POM121C: variants seen among roughly 807,000 people sequenced by gnomAD.
POM121C encodes POM121 transmembrane nucleoporin C, also known as nuclear envelope pore membrane protein POM 121C.
POM121C carries 20 observed loss-of-function variants against 66.4 expected under a neutral mutation model. That is an observed-to-expected ratio of 0.30 (90% CI 0.21 to 0.44). The LOEUF is 0.44. Ranked by LOEUF, POM121C falls within the 20% of genes least tolerant of loss-of-function variation. The probability of loss-of-function intolerance (pLI) is 1.00; values close to 1 mark genes in which losing one functional copy is unlikely to be tolerated. For synonymous variants in POM121C, 286 were observed against 528.0 expected (o/e 0.54, Z 6.28); for missense variants, 580 against 1,225.7 (o/e 0.47, Z 7.87).
chr7:75,460,573 A>G (rs2690622), intron 3 of POM121C, among the ~76,000 whole-genome samples: 186 of 151,960 alleles, frequency 1.2e-3, no homozygotes, highest in African/African-American at 4.0e-3. Flanking sequence ...TCCCTTCACT[A>G]AAGCAACCAC....
At chr7:75,476,233 G>A (rs1370552489) in intron 1 of POM121C, among the ~76,000 whole-genome samples, 5 of 151,708 alleles carry the variant, frequency 3.3e-5, no homozygotes, top group African/African-American at 9.7e-5. Context: ...CAAGGCTACA[G>A]TGAGCTGTGA....
Position 75,437,689 on chromosome 7 carries a change from A to G in POM121C, c.309-3T>C. ...GGCCTCTCTTCAGAGACCCAGGCCT[A>G]ATAAAAGAGAAGACAGTTAGATGCT... On this transcript the variant is annotated splice_region_variant and splice_polypyrimidine_tract_variant and intron_variant, in intron 6 of 14. Transcript: ENST00000615331. 1 of 1,589,240 alleles carries G rather than the reference A, an allele frequency of 6.3e-7. No individual in the cohort carries two copies. Among genetic ancestry groups the G allele is most frequent in the South Asian group, 1.1e-5 (1 of 89,384 alleles).
rs1457660270 is a variant in POM121C at position 75,417,977 on chromosome 7, TG to T, written c.*818del. 1.0e-6 allele frequency: 1 copy of T among 982,792 alleles called. No homozygotes were observed. Among genetic ancestry groups the T allele is most frequent in the African/African-American group, 1.8e-5 (1 of 56,600 alleles). 60.9% of individuals were successfully genotyped at this position (982,792 alleles called of 1,614,324 possible). On this transcript the variant is annotated 3_prime_UTR_variant, in exon 15 of 15. Transcript: ENST00000615331. ...GGACAAGGCTTGAAACATACAATCC[TG>T]GAGAGGCAGACGAGGGCCCAATGGG...
At chr7:75,460,601 T>A (rs1397433535) in intron 3 of POM121C, among the ~76,000 whole-genome samples, 1 of 152,064 alleles carries the variant, frequency 6.6e-6, no homozygotes, top group Admixed American at 6.5e-5. Flanking sequence ...GAAAGAGTGA[T>A]TGGAATCAGC....
intron 1 of POM121C, among the ~76,000 whole-genome samples, chr7:75,481,439 A>T (rs1179241938): frequency 5.3e-5 from 8 of 152,152 alleles, no homozygotes; most frequent in Non-Finnish European, 8.8e-5. Flanking sequence ...ATGGTAACAA[A>T]ACAAAATACC....
chr7:75,426,204 TG>T (rs1789933641), intron 8 of POM121C, among the ~76,000 whole-genome samples, 157 bp downstream of exon 8: 1 of 133,598 alleles, frequency 7.5e-6, no homozygotes, highest in African/African-American at 2.8e-5. Context: ...GGATGATAGT[TG>T]TTCAGGTGGG....
At chr7:75,435,316 G>A (rs1161828526) in intron 7 of POM121C, among the ~76,000 whole-genome samples, 2 of 152,104 alleles carry the variant, frequency 1.3e-5, no homozygotes, top group Non-Finnish European at 2.9e-5. Context: ...TACCTTAAAT[G>A]TTAGAAGGTG....
Position 75,421,666 on chromosome 7 carries a change from G to A in POM121C, c.2586C>T (p.Thr862=), listed in dbSNP as rs781799072. 5.0e-6 allele frequency: 8 copies of A among 1,611,990 alleles called. No homozygotes were observed. The highest frequency in any genetic ancestry group is 3.3e-5 in the Admixed American group (2 of 59,852). ...NVATPGSSAT[T]GAFSFGAGQS... is the part of the protein sequence containing the mutation. Reference sequence around the variant, plus strand: ...GTCCTGCTCCAAAGCTGAAAGCTCCGGTGGTGGCGCTGGAGCCTGGGGTGG... The same window carrying A: ...GTCCTGCTCCAAAGCTGAAAGCTCCAGTGGTGGCGCTGGAGCCTGGGGTGG... The change falls in exon 13 of 15, where the codon ACC becomes ACT. Residue 862 remains threonine (T), a synonymous_variant. Coordinates refer to ENST00000615331, the MANE Select transcript of POM121C (RefSeq NM_001099415.3).
chr7:75,473,506 A>C (rs1351528081), intron 3 of POM121C, among the ~76,000 whole-genome samples: 3 of 152,124 alleles, frequency 2.0e-5, no homozygotes, highest in African/African-American at 7.2e-5. Context: ...GGGAAAGCTG[A>C]GGGAGCGCTA....
intron 7 of POM121C, among the ~76,000 whole-genome samples, chr7:75,434,757 A>AT (rs1691493262): frequency 1.3e-5 from 2 of 151,468 alleles, no homozygotes. Context: ...TAATTTTTAT[A>AT]TTTTTAGTAG....
At chr7:75,459,607 A>T (rs1397376793) in intron 3 of POM121C, among the ~76,000 whole-genome samples, 1 of 147,750 alleles carries the variant, frequency 6.8e-6, no homozygotes, top group South Asian at 2.1e-4. Context: ...CTCAAAAAAA[A>T]AAAAAAAAAA....
chr7:75,428,202 C>A (rs879991931), intron 7 of POM121C, among the ~76,000 whole-genome samples: 1 of 151,898 alleles, frequency 6.6e-6, no homozygotes, highest in Non-Finnish European at 1.5e-5. Flanking sequence ...TGCAGTGGCA[C>A]GATCTCACCT....
intron 7 of POM121C, among the ~76,000 whole-genome samples, chr7:75,430,477 A>AC (rs2116363802): frequency 6.6e-6 from 1 of 152,306 alleles, no homozygotes; most frequent in Non-Finnish European, 1.5e-5. Flanking sequence ...AAACAAACAA[A>AC]AAAAACTAAT....
chr7:75,476,100 T>C (rs1462330563), intron 1 of POM121C, among the ~76,000 whole-genome samples: 1 of 152,146 alleles, frequency 6.6e-6, no homozygotes, highest in Non-Finnish European at 1.5e-5. Flanking sequence ...GGCAACATAG[T>C]AAGAACCTTA....
At chr7:75,473,838 G>A (rs1215193614) in intron 3 of POM121C, among the ~76,000 whole-genome samples, 1 of 151,868 alleles carries the variant, frequency 6.6e-6, no homozygotes, top group Non-Finnish European at 1.5e-5. Context: ...ACAGGCGCCC[G>A]CCACTACGTC....
At chr7:75,477,011 C>T (rs1371773368) in intron 1 of POM121C, among the ~76,000 whole-genome samples, 14 of 151,880 alleles carry the variant, frequency 9.2e-5, no homozygotes. Context: ...ATATTATATA[C>T]ACAAATATAA....
At chr7:75,433,172 T>C (rs1433890476) in intron 7 of POM121C, among the ~76,000 whole-genome samples, 1 of 132,128 alleles carries the variant, frequency 7.6e-6, no homozygotes, top group African/African-American at 2.8e-5. Flanking sequence ...GAGGCGGAGA[T>C]TGCAGTGAGC....
At chr7:75,434,346 G>A (rs1182133450) in intron 7 of POM121C, among the ~76,000 whole-genome samples, 3 of 151,850 alleles carry the variant, frequency 2.0e-5, no homozygotes, top group Admixed American at 2.0e-4. Context: ...CATGAGGTCG[G>A]CTCACTTGAC....
chr7:75,466,721 A>G (rs1400513297), intron 3 of POM121C, among the ~76,000 whole-genome samples: 22 of 152,262 alleles, frequency 1.4e-4, no homozygotes, highest in African/African-American at 5.3e-4. Context: ...TCAATTAAAA[A>G]TAAGAAATCC....
Sources: gnomAD v4.1 joint callset for allele counts (sites outside exome capture counted in the v4.1 genomes callset) on GRCh38, gnomAD v4.1.1 for gene constraint, MANE v1.5 for transcripts, NCBI Gene and HGNC (gene_info 2026-07-23, HGNC 2026-07-21) for gene names.